KCNH1: variants seen among roughly 807,000 people sequenced by gnomAD.
The protein encoded by KCNH1 is voltage-gated delayed rectifier potassium channel KCNH1.
A neutral mutation model predicts 69.2 loss-of-function variants in KCNH1; 27 were observed. The observed-to-expected ratio is 0.39, with a 90% CI of 0.29 to 0.54. The LOEUF is 0.54. Among genes scored for constraint, KCNH1 ranks in the 20% least tolerant of loss-of-function variants. The probability of loss-of-function intolerance (pLI) is 0.68; values close to 1 mark genes in which losing one functional copy is unlikely to be tolerated. For missense variants in KCNH1, 798 were observed against 1,261.6 expected, an observed-to-expected ratio of 0.63 and a Z score of 5.57; for synonymous variants, 456 against 487.7, an observed-to-expected ratio of 0.93 and a Z score of 0.86.
chr1:210,917,224 AG>A (rs66475774), intron 7 of KCNH1, among the ~76,000 whole-genome samples: 9,115 of 117,366 alleles, frequency 0.078, 319 homozygotes, highest in Non-Finnish European at 0.087. Flanking sequence ...AGAGAGAGAG[AG>A]AGAGAGAAAG....
intron 6 of KCNH1, among the ~76,000 whole-genome samples, chr1:210,986,040 G>A (rs1209708359): frequency 6.6e-6 from 1 of 152,080 alleles, no homozygotes; most frequent in Non-Finnish European, 1.5e-5. Flanking sequence ...TTATGTAATG[G>A]CCTTCTTTGT....
At chr1:211,072,409 G>A (rs1289448809) in intron 5 of KCNH1, among the ~76,000 whole-genome samples, 1 of 152,098 alleles carries the variant, frequency 6.6e-6, no homozygotes, top group Non-Finnish European at 1.5e-5. Context: ...GACACTCAGA[G>A]GTACATCAAG....
At chr1:210,769,646 C>T (rs910626167) in intron 10 of KCNH1, among the ~76,000 whole-genome samples, 10 of 152,214 alleles carry the variant, frequency 6.6e-5, no homozygotes, top group African/African-American at 2.2e-4. Flanking sequence ...CCAATTATCC[C>T]ATGCACTGAC....
intron 10 of KCNH1, among the ~76,000 whole-genome samples, chr1:210,765,123 CAT>C (rs951428177): frequency 1.3e-5 from 2 of 152,102 alleles, no homozygotes; most frequent in African/African-American, 2.4e-5. Flanking sequence ...CTATGTACCA[CAT>C]GTTCTCACTT....
intron 3 of KCNH1, among the ~76,000 whole-genome samples, chr1:211,102,537 G>A (rs1277902080): frequency 6.6e-6 from 1 of 152,080 alleles, no homozygotes; most frequent in Non-Finnish European, 1.5e-5. Context: ...CTTGTGGATG[G>A]CCAGTGCAAA....
intron 10 of KCNH1, among the ~76,000 whole-genome samples, chr1:210,685,304 A>G (rs1681385774): frequency 6.6e-6 from 1 of 152,184 alleles, no homozygotes; most frequent in Admixed American, 6.5e-5. Flanking sequence ...TTTGAGGACT[A>G]GAGGTATTGA....
chr1:211,097,174 G>T lies in KCNH1; in HGVS notation c.310+6322C>A, dbSNP rs140595190. Among the ~76,000 whole-genome samples the T allele has an allele frequency of 5.9e-3, 893 of 152,258 alleles. 3 individuals carry two copies. Among genetic ancestry groups the T allele is most frequent in the South Asian group, 9.9e-3 (48 of 4,828 alleles). On this transcript the variant is annotated intron_variant, in intron 3 of 10. Coordinates refer to ENST00000271751, the MANE Select transcript of KCNH1 (RefSeq NM_172362.3). The stretch of plus-strand genomic sequence containing the variant: ...ATTTCAAATCAGAAAGGAAAAACTG[G>T]ATTATTTAATAAATAGTAATGGGAC...
chr1:210,945,143 C>T (rs1687935867), intron 6 of KCNH1, among the ~76,000 whole-genome samples: 1 of 152,186 alleles, frequency 6.6e-6, no homozygotes, highest in African/African-American at 2.4e-5. Flanking sequence ...ACACATTTTG[C>T]TTGCCCGTTC....
chr1:210,749,001 G>A (rs927502102), intron 10 of KCNH1, among the ~76,000 whole-genome samples: 83 of 152,098 alleles, frequency 5.5e-4, no homozygotes, highest in African/African-American at 1.8e-3. Flanking sequence ...CTCTGCTCCG[G>A]CTTCCTCCTC....
chr1:211,023,822 G>A (rs1218090306), intron 5 of KCNH1, among the ~76,000 whole-genome samples: 1 of 152,102 alleles, frequency 6.6e-6, no homozygotes, highest in Non-Finnish European at 1.5e-5. Flanking sequence ...CACATCTAAT[G>A]TGCATCAATA....
chr1:210,862,263 G>C, intron 7 of KCNH1: 1 of 1,033,342 alleles, frequency 9.7e-7, no homozygotes, highest in Non-Finnish European at 1.5e-6. Context: ...GCAGGGCCTC[G>C]ATAATGGTGT....
At chr1:210,697,859 A>G (rs1359513445) in intron 10 of KCNH1, among the ~76,000 whole-genome samples, 1 of 152,242 alleles carries the variant, frequency 6.6e-6, no homozygotes, top group Non-Finnish European at 1.5e-5. Flanking sequence ...ATGGTAATCC[A>G]CATCAATGCA....
chr1:210,880,506 A>T (rs1421418180), intron 7 of KCNH1, among the ~76,000 whole-genome samples: 1 of 152,224 alleles, frequency 6.6e-6, no homozygotes, highest in East Asian at 1.9e-4. Context: ...TTTTCAACAA[A>T]TGTTGCTCTG....
chr1:210,878,460 A>G (rs1686428794), intron 7 of KCNH1, among the ~76,000 whole-genome samples: 1 of 152,148 alleles, frequency 6.6e-6, no homozygotes, highest in Non-Finnish European at 1.5e-5. Context: ...CTCAGATCAC[A>G]CAATAGAATT....
intron 6 of KCNH1, among the ~76,000 whole-genome samples, chr1:210,943,621 G>A (rs1003093195): frequency 2.0e-5 from 3 of 152,246 alleles, no homozygotes; most frequent in East Asian, 1.9e-4. Flanking sequence ...CAAAGTGCTG[G>A]GATTACAGGT....
At chr1:210,706,893 G>A (rs1173340758) in intron 10 of KCNH1, among the ~76,000 whole-genome samples, 1 of 152,240 alleles carries the variant, frequency 6.6e-6, no homozygotes, top group Admixed American at 6.5e-5. Context: ...GGCATTTCCT[G>A]CTTTCTCTCT....
At chr1:210,942,494 C>G (rs1687893014) in intron 6 of KCNH1, among the ~76,000 whole-genome samples, 1 of 152,076 alleles carries the variant, frequency 6.6e-6, no homozygotes, top group Non-Finnish European at 1.5e-5. Flanking sequence ...TGTAAAAAAT[C>G]AAGCTAAAAA....
chr1:210,894,298 C>T (rs1310299948), intron 7 of KCNH1, among the ~76,000 whole-genome samples: 2 of 152,136 alleles, frequency 1.3e-5, no homozygotes, highest in Non-Finnish European at 2.9e-5. Context: ...ATTATTTAGT[C>T]TAGGGACAAT....
chr1:210,897,508 T>G (rs914411958), intron 7 of KCNH1, among the ~76,000 whole-genome samples: 8 of 152,040 alleles, frequency 5.3e-5, no homozygotes, highest in African/African-American at 1.9e-4. Flanking sequence ...CTAGACACAG[T>G]GATGAGGACA....
Sources: allele counts gnomAD v4.1 joint callset (sites outside exome capture counted in the v4.1 genomes callset), GRCh38; gene constraint gnomAD v4.1.1; transcripts MANE v1.5; gene names NCBI Gene and HGNC (gene_info 2026-07-23, HGNC 2026-07-21).